Variants in SCN2A observed in about 807,000 individuals in gnomAD.
The protein encoded by SCN2A is sodium channel protein type 2 subunit alpha.
Under a neutral mutation model 188.7 loss-of-function variants are expected in SCN2A, and 20 were observed. The ratio of observed to expected loss-of-function variants is 0.11; its 90% CI spans 0.07 to 0.15. The LOEUF is 0.15. Ranked by LOEUF, SCN2A falls within the 10% of genes least tolerant of loss-of-function variation. SCN2A has a pLI of 1.00. For synonymous variants in SCN2A, 804 were observed against 833.1 expected (o/e 0.97, Z 0.60); for missense variants, 1,278 against 2,445.0 (o/e 0.52, Z 10.07).
At chr2:165,372,797 T>C (rs1701109627) in intron 20 of SCN2A, 1 of 188,130 alleles carries the variant, frequency 5.3e-6, no homozygotes, top group African/African-American at 2.4e-5. Context: ...TATAGTTTAC[T>C]TGTGTATCAA....
chr2:165,334,228 T>C (rs1038378673), intron 14 of SCN2A, among the ~76,000 whole-genome samples: 1 of 151,618 alleles, frequency 6.6e-6, no homozygotes, highest in Non-Finnish European at 1.5e-5. Context: ...AACAAACTGT[T>C]CCAACACATA....
In SCN2A at chr2:165,389,696, G is replaced by A. The variant is rs1384231143; in HGVS notation, c.5890G>A (p.Asp1964Asn). The change falls in exon 27 of 27, where the codon GAT becomes AAT. Residue 1964 changes from aspartate to asparagine, a missense_variant. Physicochemically the swap from Asp to Asn is conservative, Grantham distance 23 (BLOSUM62 1). This residue lies in a region of SCN2A where 109 missense variants were observed against 137.9 expected (regional missense o/e 0.79). Transcript: ENST00000375437. The surrounding 1 kb of genome is among the most constrained non-coding windows in gnomAD (Gnocchi z 4.2). Reference sequence around the variant, plus strand: ...TGAGAATTCAACTCCAGAGAAAACCGATATGACGCCTTCCACCACGTCTCC... The same window carrying A: ...TGAGAATTCAACTCCAGAGAAAACCAATATGACGCCTTCCACCACGTCTCC... ...LNENSTPEKT[D>N]MTPSTTSPPS... The A allele has an allele frequency of 1.2e-6, 2 of 1,613,744 alleles. No individual in the cohort carries two copies. The highest frequency in any genetic ancestry group is 1.7e-5 in the Admixed American group (1 of 59,960).
At chr2:165,312,151 C>T (rs1018317363) in intron 8 of SCN2A, 63 bp downstream of exon 8, 31 of 1,201,500 alleles carry the variant, frequency 2.6e-5, no homozygotes, top group Non-Finnish European at 3.7e-5. Context: ...TAACCTGCCA[C>T]CTCCCACTCA....
rs1366679199 is a variant in SCN2A, at chr2:165,263,043, T to C, written c.-52+23403T>C. ...TTTGTTGCCCATTTATATATCTTCT[T>C]TTGAGAATTGTCTATTCACGTCCTT... On this transcript the variant is annotated intron_variant, in intron 1 of 26. Coordinates refer to ENST00000375437, the MANE Select transcript of SCN2A (RefSeq NM_001040142.2). 3.3e-5 allele frequency among the ~76,000 whole-genome samples: 5 copies of C among 151,594 alleles called. No homozygotes were observed. In the South Asian group the frequency reaches 8.3e-4, roughly 25 times the overall value.
intron 22 of SCN2A, among the ~76,000 whole-genome samples, chr2:165,376,117 T>C (rs72874381): frequency 6.8e-4 from 103 of 152,012 alleles, no homozygotes; most frequent in Non-Finnish European, 1.2e-3. Flanking sequence ...TCTGTAGAGC[T>C]ATTGTACAGC....
intron 20 of SCN2A, 129 bp downstream of exon 20, chr2:165,370,428 AC>A: frequency 1.0e-6 from 1 of 965,942 alleles, no homozygotes. Context: ...TTCTCATTTC[AC>A]AGTGAGAGGA....
At chr2:165,352,554 T>C (rs1699979386) in intron 16 of SCN2A, among the ~76,000 whole-genome samples, 1 of 152,174 alleles carries the variant, frequency 6.6e-6, no homozygotes, top group African/African-American at 2.4e-5. Context: ...TGAGCATCCC[T>C]AATCTGAAAA....
chr2:165,386,389 G>A (rs557227069), intron 25 of SCN2A, among the ~76,000 whole-genome samples: 8 of 152,002 alleles, frequency 5.3e-5, no homozygotes, highest in African/African-American at 1.4e-4. Flanking sequence ...GCTTGAACCC[G>A]GGAGGCAGAG....
chr2:165,306,159 A>G (rs1359949614), intron 3 of SCN2A, among the ~76,000 whole-genome samples: 1 of 152,168 alleles, frequency 6.6e-6, no homozygotes, highest in Non-Finnish European at 1.5e-5. Flanking sequence ...CTTCTCTGTA[A>G]AGTAGAAAAT....
intron 17 of SCN2A, among the ~76,000 whole-genome samples, chr2:165,364,267 C>T (rs1413616289): frequency 1.3e-5 from 2 of 152,122 alleles, no homozygotes; most frequent in African/African-American, 2.4e-5. Flanking sequence ...TCACACCTGG[C>T]CCTGCATCAT....
intron 25 of SCN2A, among the ~76,000 whole-genome samples, chr2:165,385,562 C>T (rs952301508): frequency 6.6e-6 from 1 of 152,164 alleles, no homozygotes; most frequent in Non-Finnish European, 1.5e-5. Flanking sequence ...TCTAATGAAT[C>T]TATACACAGT....
intron 13 of SCN2A, 42 bp downstream of exon 13, chr2:165,327,026 T>C (rs949409217): frequency 1.2e-5 from 19 of 1,611,912 alleles, no homozygotes; most frequent in Non-Finnish European, 1.4e-5. Context: ...GGTGCTTTGG[T>C]AATGATGAAA....
At position 165,310,655 on chromosome 2, in the gene SCN2A, A is replaced by G. The variant is rs1697376963; in HGVS notation, c.970+60A>G. ...GTTCTCTAAATATTAAATATTATATATAATGGAAATTATCTCAATTTAGAT... is the reference window on the plus strand; with the variant it reads ...GTTCTCTAAATATTAAATATTATATGTAATGGAAATTATCTCAATTTAGAT... On this transcript the variant is annotated intron_variant, in intron 7 of 26. Coordinates refer to ENST00000375437, the MANE Select transcript of SCN2A (RefSeq NM_001040142.2). The G allele has an allele frequency of 1.2e-5, 15 of 1,215,118 alleles. 1 individual carries two copies. The South Asian group carries it at 2.4e-4, about 19-fold the overall frequency. The allele number at this position is 1,215,118 out of a possible 1,614,324, so 75.3% of individuals were successfully genotyped here.
chr2:165,327,167 T>TA, intron 13 of SCN2A, 183 bp downstream of exon 13: 1 of 652,952 alleles, frequency 1.5e-6, no homozygotes, highest in South Asian at 1.9e-5. Flanking sequence ...TTTTTTTTTT[T>TA]ATATTTAGCC....
chr2:165,330,093 G>A (rs1698596620), intron 13 of SCN2A, among the ~76,000 whole-genome samples: 1 of 152,246 alleles, frequency 6.6e-6, no homozygotes, highest in East Asian at 1.9e-4. Flanking sequence ...TTATATGCTG[G>A]TTCCACCTTT....
intron 1 of SCN2A, chr2:165,290,745 C>A: frequency 3.0e-6 from 3 of 984,478 alleles, no homozygotes; most frequent in Non-Finnish European, 3.6e-6. Context: ...ATATTGTGCG[C>A]TTGATTGCAG....
At chr2:165,296,112 C>T in intron 2 of SCN2A, 22 bp downstream of exon 2, 1 of 1,608,166 alleles carries the variant, frequency 6.2e-7, no homozygotes, top group African/African-American at 1.3e-5. Flanking sequence ...GTCAAGTTGC[C>T]TTCACTGCCT....
At chr2:165,333,494 A>C (rs1427841626) in intron 14 of SCN2A, among the ~76,000 whole-genome samples, 1 of 151,990 alleles carries the variant, frequency 6.6e-6, no homozygotes, top group Non-Finnish European at 1.5e-5. Context: ...ACCAATAACA[A>C]GTCAATGTGG....
At chr2:165,324,672 A>G (rs1478308207) in intron 12 of SCN2A, among the ~76,000 whole-genome samples, 4 of 152,242 alleles carry the variant, frequency 2.6e-5, no homozygotes, top group Non-Finnish European at 5.9e-5. Flanking sequence ...GTTAAGAATC[A>G]TTTAAGCATC....
Sources: gnomAD v4.1 joint callset for allele counts (sites outside exome capture counted in the v4.1 genomes callset) on GRCh38, gnomAD v4.1.1 for gene constraint, gnomAD v4.1.1 regional missense constraint, Gnocchi (gnomAD v3.1) non-coding constraint, MANE v1.5 for transcripts, NCBI Gene and HGNC (gene_info 2026-07-23, HGNC 2026-07-21) for gene names.